The following RPL18A variants were observed in gnomAD, a reference collection of about 807,000 sequenced individuals.
RPL18A encodes the protein large ribosomal subunit protein eL20.
For missense variants in RPL18A, 163 were observed against 254.1 expected (o/e 0.64, Z 2.44); for synonymous variants, 122 against 96.9 (o/e 1.26, Z -1.52).
rs182503075 is a variant in RPL18A at position 17,862,022 on chromosome 19, G to T, written c.199-72G>T. On this transcript the variant is annotated intron_variant, in intron 2 of 4. Transcript: ENST00000222247. The stretch of plus-strand genomic sequence containing the variant: ...CCTGGGGTGTGCTTTAGAGGCAGAG[G>T]GTTCAGTGAGGATGGGGCTAGGGCA... 1.0e-4 allele frequency: 157 copies of T among 1,553,460 alleles called. 1 individual carries two copies. In the African/African-American group the frequency reaches 2.0e-3, roughly 19 times the overall value.
At chr19:17,862,008 C>CTTTAGA (rs2094278300) in intron 2 of RPL18A, 86 bp from the exon 3 acceptor site, 1 of 1,499,666 alleles carries the variant, frequency 6.7e-7, no homozygotes, top group African/African-American at 1.4e-5. Flanking sequence ...CTGGGGTGTG[C>CTTTAGA]TTTAGAGGCA....
chr19:17,862,380 T>C, intron 3 of RPL18A, 157 bp downstream of exon 3: 1 of 871,746 alleles, frequency 1.1e-6, no homozygotes, highest in Non-Finnish European at 1.8e-6. Flanking sequence ...GATGGCGCTT[T>C]TCTGAGAGCC....
rs765936392 is a variant in RPL18A at position 17,861,487 on chromosome 19, G to T, written c.198+15G>T. Reference sequence around the variant, plus strand: ...ACTGTGGGCAGGTATGGAGAGGCCGGGGCTACGTGGGGTCTGGAGTGGATT... The same window carrying T: ...ACTGTGGGCAGGTATGGAGAGGCCGTGGCTACGTGGGGTCTGGAGTGGATT... On this transcript the variant is annotated intron_variant, in intron 2 of 4. Coordinates refer to ENST00000222247, the MANE Select transcript of RPL18A (RefSeq NM_000980.4). 1 of 1,560,280 alleles carries T rather than the reference G, an allele frequency of 6.4e-7. No individual in the cohort carries two copies. Among genetic ancestry groups the T allele is most frequent in the Middle Eastern group, 1.7e-4 (1 of 5,850 alleles).
chr19:17,862,241 C>T lies in RPL18A; in HGVS notation c.328+18C>T. ...CCAGTGCTGTAAGCTGCCTGTCCCG[C>T]CTCCAGCTTTTTAGACCCTCCTTGA... On this transcript the variant is annotated intron_variant, in intron 3 of 4. Transcript: ENST00000222247. The T allele has an allele frequency of 6.2e-7, 1 of 1,612,060 alleles. No individual in the cohort carries two copies. The highest frequency in any genetic ancestry group is 8.5e-7 in the Non-Finnish European group (1 of 1,179,766).
rs1216590482 is a variant in RPL18A, at chr19:17,861,727, TG to T, written c.198+257del. On this transcript the variant is annotated intron_variant, in intron 2 of 4. Transcript: ENST00000222247. ...GGGTGGCATGGTGGGACACCTTGGT[TG>T]GTGCTGTCTTCCCTGGGCCCTGTCT... The T allele has an allele frequency of 1.6e-5, 9 of 559,598 alleles. No individual in the cohort carries two copies. The East Asian group carries it at 2.7e-4, about 17-fold the overall frequency. 34.7% of individuals were successfully genotyped at this position (559,598 alleles called of 1,614,324 possible).
chr19:17,862,365 C>T (rs1231361451), intron 3 of RPL18A, 142 bp downstream of exon 3: 2 of 1,013,880 alleles, frequency 2.0e-6, no homozygotes, highest in Non-Finnish European at 2.9e-6. Context: ...ATGCCCCAGG[C>T]CCCAGATGGC....
chr19:17,859,994 G>T lies in RPL18A; in HGVS notation c.18+20G>T, dbSNP rs368176039. ...GGCACGGTAAGGCGGGCGCGGCGCG[G>T]CAGGGGGCCAAGGGATGGGGCACGG... On this transcript the variant is annotated intron_variant, in intron 1 of 4. Transcript: ENST00000222247. 21 of 1,514,808 alleles carry T rather than the reference G, an allele frequency of 1.4e-5. No individual in the cohort carries two copies. In the South Asian group the frequency reaches 2.2e-4, roughly 16 times the overall value. 93.8% of individuals were successfully genotyped at this position (1,514,808 alleles called of 1,614,324 possible).
chr19:17,860,272 GCCGCCAAGTTTCT>G (rs1363505198), intron 1 of RPL18A: 1 of 413,960 alleles, frequency 2.4e-6, no homozygotes, highest in African/African-American at 2.1e-5. Context: ...ACCTCGTCGA[GCCGCCAAGTTTCT>G]GTTTTCCTTT....
intron 2 of RPL18A, 66 bp from the exon 3 acceptor site, chr19:17,862,028 G>C (rs1568413938): frequency 6.3e-7 from 1 of 1,575,740 alleles, no homozygotes. Flanking sequence ...AGAGGGTTCA[G>C]TGAGGATGGG....
In RPL18A at chr19:17,863,167, A is replaced by G. The variant is rs1323902671; in HGVS notation, c.439-4A>G. On this transcript the variant is annotated splice_region_variant and splice_polypyrimidine_tract_variant and intron_variant, in intron 4 of 4. Coordinates refer to ENST00000222247, the MANE Select transcript of RPL18A (RefSeq NM_000980.4). ...CCCCCTCAACATGCCTCCCTTCCTC[A>G]CAGGACTCCAAGATCAAGTTCCCGC... 7.4e-6 allele frequency: 12 copies of G among 1,612,370 alleles called. No individual in the cohort carries two copies. The highest frequency in any genetic ancestry group is 6.8e-6 in the Non-Finnish European group (8 of 1,178,870).
intron 4 of RPL18A, 41 bp from the exon 5 acceptor site, chr19:17,863,130 A>G: frequency 6.3e-7 from 1 of 1,576,908 alleles, no homozygotes; most frequent in Non-Finnish European, 8.7e-7. Context: ...TGGGGTGTTA[A>G]GAGGCTTCCA....
rs372248330 is a variant in RPL18A at position 17,861,391 on chromosome 19, C to T, written c.117C>T (p.Val39=). The T allele has an allele frequency of 3.1e-6, 5 of 1,611,196 alleles. No homozygotes were observed. The African/African-American group carries it at 4.0e-5, about 13-fold the overall frequency. Residue 39 remains valine, a synonymous_variant, in exon 2 of 5, where the codon GTC becomes GTT. Transcript: ENST00000222247. ...GAATCTTTGCGCCTAATCATGTCGT[C>T]GCCAAGTCCCGCTTCTGGTACTTTG... ...RMRIFAPNHV[V]AKSRFWYFVS... is the part of the protein sequence containing the mutation.
At chr19:17,861,706 G>A in intron 2 of RPL18A, 2 of 567,858 alleles carry the variant, frequency 3.5e-6, no homozygotes. Flanking sequence ...GCGGGTGGGT[G>A]GCATGGTGGG....
At chr19:17,862,502 C>G in intron 3 of RPL18A, 1 of 687,866 alleles carries the variant, frequency 1.5e-6, no homozygotes, top group South Asian at 1.5e-5. Context: ...CACTGAGAAC[C>G]GAATTGAACC....
chr19:17,860,367 A>C (rs73518688), intron 1 of RPL18A: 1 of 253,580 alleles, frequency 3.9e-6, no homozygotes, highest in African/African-American at 2.3e-5. Flanking sequence ...GAAGCAGATG[A>C]AAATTGCTAA....
At chr19:17,861,535 A>G (rs1599895539) in intron 2 of RPL18A, 63 bp downstream of exon 2, 1 of 1,290,784 alleles carries the variant, frequency 7.7e-7, no homozygotes, top group Non-Finnish European at 1.1e-6. Flanking sequence ...GACATCGTGC[A>G]TCTCAAGAAT....
chr19:17,860,437 A>C, intron 1 of RPL18A: 10 of 159,518 alleles, frequency 6.3e-5, no homozygotes, highest in East Asian at 3.8e-4. Context: ...GATAGAATCA[A>C]ACGGCTCTAT....
intron 3 of RPL18A, 59 bp from the exon 4 acceptor site, chr19:17,862,859 T>C: frequency 6.0e-6 from 7 of 1,174,622 alleles, no homozygotes; most frequent in Non-Finnish European, 8.9e-6. Context: ...ACTCAGGAGG[T>C]TTGCTGAATG....
Position 17,859,944 on chromosome 19 carries a change from C to G in RPL18A, c.-13C>G, listed in dbSNP as rs368430398. On this transcript the variant is annotated 5_prime_UTR_variant, in exon 1 of 5. Transcript: ENST00000222247. ...TTCCTTTTGCGGGTGGCGGCGAACGCGGAGAGCACGCCATGAAGGCCTCGG... is the reference window on the plus strand; with the variant it reads ...TTCCTTTTGCGGGTGGCGGCGAACGGGGAGAGCACGCCATGAAGGCCTCGG... The G allele has an allele frequency of 3.0e-4, 464 of 1,542,640 alleles. No individual in the cohort carries two copies. The Middle Eastern group carries it at 3.2e-3, about 11-fold the overall frequency.
Sources: gnomAD v4.1 joint callset for allele counts on GRCh38, gnomAD v4.1.1 for gene constraint, MANE v1.5 for transcripts, NCBI Gene and HGNC (gene_info 2026-07-23, HGNC 2026-07-21) for gene names.